NAB1: variants seen among roughly 807,000 people sequenced by gnomAD.
The protein encoded by NAB1 is NGFI-A binding protein 1, also known as NGFI-A-binding protein 1.
Under a neutral mutation model 49.9 loss-of-function variants are expected in NAB1, and 25 were observed. That is an observed-to-expected ratio of 0.50 (90% CI 0.37 to 0.70). The LOEUF is 0.70. Ranked by LOEUF, NAB1 falls within the 30% of genes least tolerant of loss-of-function variation. The pLI is 0.00. For synonymous variants in NAB1, 198 were observed against 215.6 expected, an observed-to-expected ratio of 0.92 and a Z score of 0.71; for missense variants, 489 against 575.9, an observed-to-expected ratio of 0.85 and a Z score of 1.54.
intron 6 of NAB1, among the ~76,000 whole-genome samples, chr2:190,683,492 T>C (rs1251149227): frequency 1.3e-5 from 2 of 151,940 alleles, no homozygotes; most frequent in South Asian, 2.1e-4. Context: ...CATAAAGCCT[T>C]CTTTCCAGTG....
intron 9 of NAB1, 127 bp from the exon 10 acceptor site, chr2:190,690,118 G>A (rs1695882678): frequency 1.6e-6 from 1 of 644,862 alleles, no homozygotes; most frequent in Non-Finnish European, 2.6e-6. Context: ...ATTTTGCATG[G>A]AATTACAGAA....
Position 190,666,708 on chromosome 2 carries a change from A to G in NAB1, c.820-3618A>G, listed in dbSNP as rs755334650. On this transcript the variant is annotated intron_variant, in intron 4 of 9. Coordinates refer to ENST00000337386, the MANE Select transcript of NAB1 (RefSeq NM_005966.4). The surrounding 1 kb of genome is among the most constrained non-coding windows in gnomAD (Gnocchi z 5.6). Reference sequence around the variant, plus strand: ...ACTCCATCTCAAAAAAAAAAGAAAAAGGAAGCGAACTTTAAGAAATCTTTC... The same window carrying G: ...ACTCCATCTCAAAAAAAAAAGAAAAGGGAAGCGAACTTTAAGAAATCTTTC... Among the ~76,000 whole-genome samples, 2 of 152,148 alleles carry G rather than the reference A, an allele frequency of 1.3e-5. No individual in the cohort carries two copies. Among genetic ancestry groups the G allele is most frequent in the African/African-American group, 4.8e-5 (2 of 41,438 alleles).
At position 190,659,083 on chromosome 2, in the gene NAB1, G is replaced by A; in HGVS notation, c.-19-75G>A. On this transcript the variant is annotated intron_variant, in intron 3 of 9. Coordinates refer to ENST00000337386, the MANE Select transcript of NAB1 (RefSeq NM_005966.4). This position sits in a 1 kb window ranked among gnomAD's most constrained non-coding sequence, Gnocchi z 6.2. ...CTTCTCGTTTTTGTTCTTAAAACCT[G>A]TAGTGTAACCTATTTGGTGTAAGGA... The A allele has an allele frequency of 3.1e-6, 3 of 953,652 alleles. No individual in the cohort carries two copies. The highest frequency in any genetic ancestry group is 2.5e-4 in the Middle Eastern group (1 of 4,024). 59.1% of individuals were successfully genotyped at this position (953,652 alleles called of 1,614,324 possible).
rs767948922 is a variant in NAB1, at chr2:190,670,411, G to A, written c.905G>A (p.Arg302Gln). Residue 302 changes from arginine to glutamine, a missense_variant, in exon 5 of 10, where the codon CGA (arginine) becomes CAA (glutamine). Arg to Gln is a conservative substitution (Grantham distance 43, BLOSUM62 1). Around this residue, in one of 4 missense-constraint regions of NAB1, gnomAD observed 38 missense variants for 70.1 expected, o/e 0.54. Coordinates refer to ENST00000337386, the MANE Select transcript of NAB1 (RefSeq NM_005966.4). The surrounding 1 kb of genome is among the most constrained non-coding windows in gnomAD (Gnocchi z 5.3). Reference sequence around the variant, plus strand: ...AGAGATGAGCTTTTTGCCTTGGCTCGACAGATTTCTCGAGAAGTCACCTAT... The same window carrying A: ...AGAGATGAGCTTTTTGCCTTGGCTCAACAGATTTCTCGAGAAGTCACCTAT... ...TRRDELFALARQISREVTYKY... is the reference protein window; with the variant it reads ...TRRDELFALAQQISREVTYKY... The A allele has an allele frequency of 1.9e-5, 31 of 1,613,932 alleles. No homozygotes were observed. The highest frequency in any genetic ancestry group is 2.5e-5 in the Non-Finnish European group (30 of 1,179,904).
At chr2:190,650,809 T>G (rs1023567) in intron 2 of NAB1, among the ~76,000 whole-genome samples, 148,206 of 152,236 alleles carry the variant, frequency 0.97, 72,248 homozygotes, top group Middle Eastern at 1. Flanking sequence ...ATTATATTTT[T>G]TCATCGGTAT....
rs1350615809 is a variant in NAB1 at position 190,652,241 on chromosome 2, A to C, written c.-197+2259A>C. ...CTCAATACATTGTATTTAGGGGGTG[A>C]CCCATTAATTTGCATGGTATATTAA... On this transcript the variant is annotated intron_variant, in intron 2 of 9. Transcript: ENST00000337386. The surrounding 1 kb of genome is among the most constrained non-coding windows in gnomAD (Gnocchi z 4.2). Among the ~76,000 whole-genome samples the C allele has an allele frequency of 6.6e-6, 1 of 152,172 alleles. No individual in the cohort carries two copies. Among genetic ancestry groups the C allele is most frequent in the Non-Finnish European group, 1.5e-5 (1 of 68,034 alleles).
At chr2:190,668,048 C>T (rs1694613924) in intron 4 of NAB1, among the ~76,000 whole-genome samples, 1 of 152,056 alleles carries the variant, frequency 6.6e-6, no homozygotes, top group Non-Finnish European at 1.5e-5. Context: ...AAATTACAAC[C>T]AAATGCTGTT....
chr2:190,666,431 G>C lies in NAB1; in HGVS notation c.820-3895G>C, dbSNP rs752360552. 2.0e-5 allele frequency among the ~76,000 whole-genome samples: 3 copies of C among 152,218 alleles called. No individual in the cohort carries two copies. Among genetic ancestry groups the C allele is most frequent in the Non-Finnish European group, 4.4e-5 (3 of 68,036 alleles). ...AAGATAGCTAACTTTAAGAGGCCGG[G>C]CATGGTGGCTCACGCCTGTAATCCC... On this transcript the variant is annotated intron_variant, in intron 4 of 9. Transcript: ENST00000337386. This position sits in a 1 kb window ranked among gnomAD's most constrained non-coding sequence, Gnocchi z 5.6.
rs1371073419 is a variant in NAB1, at chr2:190,685,766, T to A, written c.1258+128T>A. The A allele has an allele frequency of 1.3e-6, 1 of 783,084 alleles. No homozygotes were observed. Among genetic ancestry groups the A allele is most frequent in the Middle Eastern group, 3.6e-4 (1 of 2,764 alleles). The allele number at this position is 783,084 out of a possible 1,614,324, so 48.5% of individuals were successfully genotyped here. ...TATTTTACAGGTTCTCTTATCAAAATTATTTTTTGAATTCTTCATTTTTCT... is the reference window on the plus strand; with the variant it reads ...TATTTTACAGGTTCTCTTATCAAAAATATTTTTTGAATTCTTCATTTTTCT... On this transcript the variant is annotated intron_variant, in intron 8 of 9. Transcript: ENST00000337386. This position sits in a 1 kb window ranked among gnomAD's most constrained non-coding sequence, Gnocchi z 4.5.
intron 3 of NAB1, among the ~76,000 whole-genome samples, chr2:190,656,564 C>G (rs1426097218): frequency 6.6e-6 from 1 of 152,122 alleles, no homozygotes; most frequent in Non-Finnish European, 1.5e-5. Context: ...TAGACTTGGT[C>G]CTATCAGTCT....
rs1695944421 is a variant in NAB1 at position 190,691,813 on chromosome 2, TAA to T, written c.*1481_*1482del. The T allele has an allele frequency of 6.6e-6, 1 of 152,156 alleles. No homozygotes were observed. Among genetic ancestry groups the T allele is most frequent in the Non-Finnish European group, 1.5e-5 (1 of 68,002 alleles). The allele number at this position is 152,156 out of a possible 1,614,324, so 9.4% of individuals were successfully genotyped here. ...TCTAGATCATAATTGTAAAAAATAT[TAA>T]GTCATAATCTGTTACACTAAAATTT... On this transcript the variant is annotated 3_prime_UTR_variant, in exon 10 of 10. Coordinates refer to ENST00000337386, the MANE Select transcript of NAB1 (RefSeq NM_005966.4). This position sits in a 1 kb window ranked among gnomAD's most constrained non-coding sequence, Gnocchi z 4.1.
chr2:190,666,644 G>A lies in NAB1; in HGVS notation c.820-3682G>A, dbSNP rs1694534758. ...GAATCGCTTGAACCCGGGGCGCTGA[G>A]GTTGCGCCACTGCATTCCAGCCTGG... On this transcript the variant is annotated intron_variant, in intron 4 of 9. Transcript: ENST00000337386. This position sits in a 1 kb window ranked among gnomAD's most constrained non-coding sequence, Gnocchi z 5.6. 2.0e-5 allele frequency among the ~76,000 whole-genome samples: 3 copies of A among 152,126 alleles called. No individual in the cohort carries two copies. The highest frequency in any genetic ancestry group is 4.4e-5 in the Non-Finnish European group (3 of 68,034).
chr2:190,687,262 G>A lies in NAB1; in HGVS notation c.1320G>A (p.Val440=). 1 of 1,600,988 alleles carries A rather than the reference G, an allele frequency of 6.2e-7. No individual in the cohort carries two copies. The highest frequency in any genetic ancestry group is 8.5e-7 in the Non-Finnish European group (1 of 1,176,286). Residue 440 remains valine (V), a synonymous_variant, in exon 9 of 10, where the codon GTG becomes GTA. Coordinates refer to ENST00000337386, the MANE Select transcript of NAB1 (RefSeq NM_005966.4). ...NLQNRQPHHF[V]VDGELSRLYP... ...AGAACAGACAACCCCATCATTTTGT[G>A]GTGGATGGGGAGCTGAGCAGACTTT...
rs1695234289 is a variant in NAB1, at chr2:190,679,650, G to A, written c.1006-4088G>A. 6.6e-6 allele frequency among the ~76,000 whole-genome samples: 1 copy of A among 152,168 alleles called. No individual in the cohort carries two copies. The highest frequency in any genetic ancestry group is 6.5e-5 in the Admixed American group (1 of 15,278). ...AAACTTCCAGTGGGCAGATACACAGGTGGTGTAATCCTAATTTAAAAATTT... is the reference window on the plus strand; with the variant it reads ...AAACTTCCAGTGGGCAGATACACAGATGGTGTAATCCTAATTTAAAAATTT... On this transcript the variant is annotated intron_variant, in intron 6 of 9. Transcript: ENST00000337386. This position sits in a 1 kb window ranked among gnomAD's most constrained non-coding sequence, Gnocchi z 5.3.
chr2:190,692,212 A>C lies in NAB1; in HGVS notation c.*1879A>C, dbSNP rs1288143431. On this transcript the variant is annotated 3_prime_UTR_variant, in exon 10 of 10. Transcript: ENST00000337386. This position sits in a 1 kb window ranked among gnomAD's most constrained non-coding sequence, Gnocchi z 5.2. ...TTTCATGAAACGTTTCCTGTATTCT[A>C]ATCTATTTTGAAACATTTTGTTTTT... 2 of 152,564 alleles carry C rather than the reference A, an allele frequency of 1.3e-5. No homozygotes were observed. The highest frequency in any genetic ancestry group is 2.9e-5 in the Non-Finnish European group (2 of 68,004). 9.5% of individuals were successfully genotyped at this position (152,564 alleles called of 1,614,324 possible).
In NAB1 at chr2:190,679,164, T is replaced by G. The variant is rs1695210319; in HGVS notation, c.1006-4574T>G. Among the ~76,000 whole-genome samples the G allele has an allele frequency of 6.6e-6, 1 of 152,222 alleles. No individual in the cohort carries two copies. Among genetic ancestry groups the G allele is most frequent in the Admixed American group, 6.5e-5 (1 of 15,288 alleles). On this transcript the variant is annotated intron_variant, in intron 6 of 9. Transcript: ENST00000337386. The surrounding 1 kb of genome is among the most constrained non-coding windows in gnomAD (Gnocchi z 5.3). Reference sequence around the variant, plus strand: ...CTAGCTGGTGCCTGGGAAACAAGCTTACGAGACATAACGAAATTGTGCACC... The same window carrying G: ...CTAGCTGGTGCCTGGGAAACAAGCTGACGAGACATAACGAAATTGTGCACC...
intron 4 of NAB1, among the ~76,000 whole-genome samples, chr2:190,661,426 C>T (rs1694220265): frequency 6.6e-6 from 1 of 152,104 alleles, no homozygotes; most frequent in Non-Finnish European, 1.5e-5. Context: ...AATGTGTTGG[C>T]AATTTTAGTT....
At chr2:190,660,686 T>C (rs1021058131) in intron 4 of NAB1, among the ~76,000 whole-genome samples, 1 of 152,194 alleles carries the variant, frequency 6.6e-6, no homozygotes, top group African/African-American at 2.4e-5. Context: ...AATAAGCTTG[T>C]GTTTTCTGTA....
Position 190,668,972 on chromosome 2 carries a change from G to A in NAB1, c.820-1354G>A, listed in dbSNP as rs377059164. On this transcript the variant is annotated intron_variant, in intron 4 of 9. Coordinates refer to ENST00000337386, the MANE Select transcript of NAB1 (RefSeq NM_005966.4). ...TAATAATAATAAAGTAGGACAATTA[G>A]AACAATATGCCAGCATTACTGCTCT... Among the ~76,000 whole-genome samples the A allele has an allele frequency of 6.6e-5, 10 of 152,192 alleles. No individual in the cohort carries two copies. The East Asian group carries it at 1.3e-3, about 21-fold the overall frequency.
Sources: gnomAD v4.1 joint callset for allele counts (sites outside exome capture counted in the v4.1 genomes callset) on GRCh38, gnomAD v4.1.1 for gene constraint, gnomAD v4.1.1 regional missense constraint, Gnocchi (gnomAD v3.1) non-coding constraint, MANE v1.5 for transcripts, NCBI Gene and HGNC (gene_info 2026-07-23, HGNC 2026-07-21) for gene names.